Variants in CGNL1 observed in about 807,000 individuals in gnomAD.
CGNL1 encodes the protein cingulin-like protein 1.
In CGNL1, 132 loss-of-function variants were observed where a neutral mutation model predicts 141.2. The observed-to-expected ratio is 0.93, with a 90% CI of 0.81 to 1.08. The LOEUF is 1.08. Among genes scored for constraint, CGNL1 ranks in the 50% least tolerant of loss-of-function variants. The probability of loss-of-function intolerance (pLI) is 0.00; values close to 1 mark genes in which losing one functional copy is unlikely to be tolerated. For missense variants in CGNL1, 1,870 were observed against 1,588.6 expected (o/e 1.18, Z -3.01); for synonymous variants, 690 against 622.1 (o/e 1.11, Z -1.63).
chr15:57,511,557 G>A (rs2030305757), intron 8 of CGNL1, among the ~76,000 whole-genome samples: 1 of 152,204 alleles, frequency 6.6e-6, no homozygotes, highest in African/African-American at 2.4e-5. Context: ...CCATCCAGGA[G>A]CCTCGTACCA....
At chr15:57,496,302 T>C (rs1323061299) in intron 8 of CGNL1, among the ~76,000 whole-genome samples, 1 of 152,182 alleles carries the variant, frequency 6.6e-6, no homozygotes, top group African/African-American at 2.4e-5. Context: ...GACCTGATAT[T>C]TGGGTTGAGC....
At chr15:57,435,355 A>G (rs2063093398) in intron 1 of CGNL1, among the ~76,000 whole-genome samples, 1 of 150,214 alleles carries the variant, frequency 6.7e-6, no homozygotes, top group East Asian at 2.0e-4. Context: ...AGTCAGGAAT[A>G]TTGTTTAGCA....
At position 57,547,369 on chromosome 15, in the gene CGNL1, C is replaced by T. The variant is rs185690213; in HGVS notation, c.3788C>T (p.Pro1263Leu). The T allele has an allele frequency of 1.4e-4, 220 of 1,614,088 alleles. 1 individual carries two copies. Among genetic ancestry groups the T allele is most frequent in the South Asian group, 3.0e-4 (27 of 91,054 alleles). ...CATTTCAGCAGACTGAAGAAGCTGC[C>T]GAGTAAAGTGCTGGATGACATGGAT... ...MKKDLRLKKL[P>L]SKVLDDMDDD... Residue 1263 changes from proline (P) to leucine (L), a missense_variant, in exon 19 of 19, where the codon CCG becomes CTG. Transcript: ENST00000281282.
chr15:57,534,853 T>C (rs1666566), intron 14 of CGNL1, among the ~76,000 whole-genome samples: 2,891 of 152,346 alleles, frequency 0.019, 97 homozygotes, highest in African/African-American at 0.066. Context: ...AGTTTGGTGA[T>C]CTTGTTCTCT....
At chr15:57,514,936 C>T (rs1003796559) in intron 8 of CGNL1, among the ~76,000 whole-genome samples, 1 of 152,140 alleles carries the variant, frequency 6.6e-6, no homozygotes, top group Admixed American at 6.5e-5. Context: ...TGTCTGAACT[C>T]CCAATTCTGT....
At position 57,528,725 on chromosome 15, in the gene CGNL1, T is replaced by A. The variant is rs1461346094; in HGVS notation, c.3111T>A (p.Leu1037=). The stretch of plus-strand genomic sequence containing the variant: ...ATGAAGCACTCACAAAAAGGCAGCT[T>A]CTGGAGCAGACGCTGAAGGACCTGG... ...AQDEALTKRQ[L]LEQTLKDLEY... is the part of the protein sequence containing the mutation. The change falls in exon 13 of 19, where the codon CTT becomes CTA. Residue 1037 remains leucine, a synonymous_variant. Transcript: ENST00000281282. 1 of 1,614,094 alleles carries A rather than the reference T, an allele frequency of 6.2e-7. No individual in the cohort carries two copies. Among genetic ancestry groups the A allele is most frequent in the Admixed American group, 1.7e-5 (1 of 60,030 alleles).
At chr15:57,431,844 C>T (rs137969460) in intron 1 of CGNL1, among the ~76,000 whole-genome samples, 18 of 152,154 alleles carry the variant, frequency 1.2e-4, no homozygotes, top group African/African-American at 4.3e-4. Context: ...GATTGGCCAC[C>T]CCGGATTTAG....
intron 15 of CGNL1, 54 bp downstream of exon 15, chr15:57,543,833 CA>C: frequency 7.4e-7 from 1 of 1,347,480 alleles, no homozygotes; most frequent in Non-Finnish European, 1.1e-6. Context: ...AACCCTCCCC[CA>C]CTTCACTGCT....
At chr15:57,412,860 GTTTCTTTTTT>G (rs1291385933) in intron 1 of CGNL1, among the ~76,000 whole-genome samples, 9 of 152,006 alleles carry the variant, frequency 5.9e-5, no homozygotes, top group African/African-American at 2.2e-4. Context: ...TAGTATCTCA[GTTTCTTTTTT>G]TTTCTTTTTG....
chr15:57,530,577 A>G (rs1253913858), intron 13 of CGNL1, among the ~76,000 whole-genome samples: 1 of 152,192 alleles, frequency 6.6e-6, no homozygotes, highest in Non-Finnish European at 1.5e-5. Context: ...ATCCTGAGTG[A>G]TGTCTGACTA....
At chr15:57,540,737 G>A (rs889389882) in intron 14 of CGNL1, among the ~76,000 whole-genome samples, 4 of 152,152 alleles carry the variant, frequency 2.6e-5, no homozygotes, top group Non-Finnish European at 5.9e-5. Context: ...TGCAGGGCTC[G>A]TTCATTTGTC....
chr15:57,445,194 G>C (rs762006605), intron 4 of CGNL1, among the ~76,000 whole-genome samples: 11 of 152,200 alleles, frequency 7.2e-5, no homozygotes, highest in Non-Finnish European at 1.2e-4. Context: ...AGGAGGTGGA[G>C]GCTGCAGTGA....
chr15:57,524,849 A>T (rs1451167428), intron 12 of CGNL1, 98 bp downstream of exon 12: 24 of 1,234,866 alleles, frequency 1.9e-5, no homozygotes, highest in Non-Finnish European at 2.1e-5. Context: ...GATTCGTGAG[A>T]CAGCTTTGGT....
chr15:57,445,665 A>T (rs1595712752), intron 4 of CGNL1, among the ~76,000 whole-genome samples: 1 of 152,238 alleles, frequency 6.6e-6, no homozygotes, highest in Non-Finnish European at 1.5e-5. Context: ...TCACAGGAGT[A>T]GGTAGGGAAG....
intron 8 of CGNL1, among the ~76,000 whole-genome samples, chr15:57,480,452 G>A (rs1281580623): frequency 4.6e-5 from 7 of 152,188 alleles, no homozygotes; most frequent in Middle Eastern, 3.4e-3. Context: ...CTCAGGAGGC[G>A]GAGGTTGCAG....
chr15:57,390,769 G>A (rs1003803978), intron 1 of CGNL1, among the ~76,000 whole-genome samples: 8 of 152,112 alleles, frequency 5.3e-5, no homozygotes, highest in African/African-American at 9.7e-5. Flanking sequence ...CTTTCACTGC[G>A]ATGGGGCTCG....
chr15:57,482,603 G>A (rs1449660924), intron 8 of CGNL1, among the ~76,000 whole-genome samples: 1 of 152,126 alleles, frequency 6.6e-6, no homozygotes, highest in African/African-American at 2.4e-5. Flanking sequence ...GCATTTTTGT[G>A]TTAATTTCTG....
intron 8 of CGNL1, among the ~76,000 whole-genome samples, chr15:57,492,604 A>G (rs772135279): frequency 1.3e-5 from 2 of 152,200 alleles, no homozygotes; most frequent in East Asian, 3.8e-4. Flanking sequence ...GTGTAGTCCA[A>G]TAATCTTGAA....
rs540696039 is a variant in CGNL1 at position 57,489,287 on chromosome 15, T to C, written c.2403+27395T>C. 1.4e-4 allele frequency among the ~76,000 whole-genome samples: 21 copies of C among 152,344 alleles called. No homozygotes were observed. In the East Asian group the frequency reaches 4.0e-3, roughly 29 times the overall value. ...AATAACATGTAGGAAAGATGAGTTG[T>C]TGTTCCTGAGAAATAATCAAGAGCA... On this transcript the variant is annotated intron_variant, in intron 8 of 18. Coordinates refer to ENST00000281282, the MANE Select transcript of CGNL1 (RefSeq NM_032866.5).
Sources: allele counts gnomAD v4.1 joint callset (sites outside exome capture counted in the v4.1 genomes callset), GRCh38; gene constraint gnomAD v4.1.1; transcripts MANE v1.5; gene names NCBI Gene and HGNC (gene_info 2026-07-23, HGNC 2026-07-21).